ATP8A1: variants seen among roughly 807,000 people sequenced by gnomAD.
The protein encoded by ATP8A1 is phospholipid-transporting ATPase IA.
ATP8A1 carries 90 observed loss-of-function variants against 177.7 expected under a neutral mutation model. That is an observed-to-expected ratio of 0.51 (90% confidence interval 0.43 to 0.60). ATP8A1 has a LOEUF of 0.60. ATP8A1 is among the 20% of genes least tolerant of loss of function. The pLI, the probability that ATP8A1 is intolerant of heterozygous loss-of-function variation, is 0.00. For synonymous variants in ATP8A1, 493 were observed against 485.9 expected, an observed-to-expected ratio of 1.01 and a Z score of -0.19; for missense variants, 1,072 against 1,392.8, an observed-to-expected ratio of 0.77 and a Z score of 3.67.
At chr4:42,653,046 G>C (rs1375340189) in intron 1 of ATP8A1, among the ~76,000 whole-genome samples, 2 of 150,128 alleles carry the variant, frequency 1.3e-5, no homozygotes, top group African/African-American at 4.9e-5. Flanking sequence ...AGCAGCCTAA[G>C]AGCGGACTAA....
At chr4:42,456,035 A>C (rs1475945429) in intron 27 of ATP8A1, among the ~76,000 whole-genome samples, 2 of 152,198 alleles carry the variant, frequency 1.3e-5, no homozygotes, top group African/African-American at 2.4e-5. Flanking sequence ...GCAATAGTAC[A>C]ATCACCATTT....
chr4:42,528,346 T>A (rs1388792806), intron 20 of ATP8A1, among the ~76,000 whole-genome samples: 1 of 152,012 alleles, frequency 6.6e-6, no homozygotes, highest in Non-Finnish European at 1.5e-5. Flanking sequence ...CAATATCACA[T>A]CCCTGGAGGG....
intron 22 of ATP8A1, among the ~76,000 whole-genome samples, chr4:42,516,566 TTAG>T (rs1725556867): frequency 6.6e-6 from 1 of 152,260 alleles, no homozygotes; most frequent in Admixed American, 6.5e-5. Flanking sequence ...ACAGAAATTA[TTAG>T]TAGGTAATCT....
chr4:42,591,449 CAGCTTTGCATTATGCCTTAGGA>C (rs903017860), intron 6 of ATP8A1, among the ~76,000 whole-genome samples: 11 of 151,994 alleles, frequency 7.2e-5, no homozygotes, highest in Non-Finnish European at 1.5e-4. Flanking sequence ...GCAAAGAAGT[CAGCTTTGCATTATGCCTTAGGA>C]AGCTTTGCAG....
intron 17 of ATP8A1, among the ~76,000 whole-genome samples, chr4:42,551,905 C>G (rs1729539433): frequency 6.6e-6 from 1 of 152,126 alleles, no homozygotes; most frequent in Non-Finnish European, 1.5e-5. Context: ...GTTTAAAACA[C>G]TTCTAACAAA....
intron 8 of ATP8A1, among the ~76,000 whole-genome samples, chr4:42,587,830 G>A (rs888285544): frequency 6.6e-6 from 1 of 151,772 alleles, no homozygotes; most frequent in Non-Finnish European, 1.5e-5. Flanking sequence ...GGATGGTCTC[G>A]ATCTCCTGAC....
chr4:42,646,483 G>C (rs1462221798), intron 1 of ATP8A1, among the ~76,000 whole-genome samples: 1 of 152,224 alleles, frequency 6.6e-6, no homozygotes, highest in Non-Finnish European at 1.5e-5. Flanking sequence ...TACAACGTTA[G>C]CTTTACTTCA....
At chr4:42,564,394 G>C (rs1731152682) in intron 15 of ATP8A1, among the ~76,000 whole-genome samples, 1 of 152,172 alleles carries the variant, frequency 6.6e-6, no homozygotes, top group Non-Finnish European at 1.5e-5. Flanking sequence ...GCCTGTGAAA[G>C]CAGCCAGGAG....
In ATP8A1 at chr4:42,451,912, A is replaced by G. The variant is rs913993342; in HGVS notation, c.2896+69T>C. The G allele has an allele frequency of 2.2e-5, 26 of 1,163,056 alleles. No individual in the cohort carries two copies. The African/African-American group carries it at 3.5e-4, about 16-fold the overall frequency. The allele number at this position is 1,163,056 out of a possible 1,614,324, so 72.0% of individuals were successfully genotyped here. On this transcript the variant is annotated intron_variant, in intron 30 of 36. Coordinates refer to ENST00000381668, the MANE Select transcript of ATP8A1 (RefSeq NM_006095.2). Reference sequence around the variant, plus strand: ...GAAACTGCTATACTTTTAAACATACATTGACAATGAGTTATTTTTCTAAAA... The same window carrying G: ...GAAACTGCTATACTTTTAAACATACGTTGACAATGAGTTATTTTTCTAAAA...
chr4:42,614,477 C>T (rs1736703175), intron 5 of ATP8A1, among the ~76,000 whole-genome samples: 3 of 152,202 alleles, frequency 2.0e-5, no homozygotes, highest in African/African-American at 4.8e-5. Context: ...GATTTTTTCC[C>T]TTTCAATTCC....
chr4:42,615,822 A>G (rs1736848916), intron 5 of ATP8A1, among the ~76,000 whole-genome samples: 1 of 152,244 alleles, frequency 6.6e-6, no homozygotes, highest in Non-Finnish European at 1.5e-5. Flanking sequence ...TATATTTAAA[A>G]TGTTGGCTTT....
At chr4:42,423,508 C>A in intron 34 of ATP8A1, 109 bp downstream of exon 34, 1 of 593,752 alleles carries the variant, frequency 1.7e-6, no homozygotes, top group Non-Finnish European at 2.7e-6. Context: ...GTAATATTAC[C>A]AGTCCCTATC....
intron 1 of ATP8A1, among the ~76,000 whole-genome samples, chr4:42,641,584 A>G (rs970152754): frequency 3.3e-5 from 5 of 152,070 alleles, no homozygotes; most frequent in Admixed American, 6.5e-5. Flanking sequence ...CATTTTGTAC[A>G]TGGAAAAGAG....
At chr4:42,629,881 G>T (rs1303184633) in intron 1 of ATP8A1, among the ~76,000 whole-genome samples, 1 of 152,192 alleles carries the variant, frequency 6.6e-6, no homozygotes, top group Non-Finnish European at 1.5e-5. Context: ...CTTAGGTCTG[G>T]ACTTAACGTA....
rs200520162 is a variant in ATP8A1, at chr4:42,555,085, G to GTATCTATCTATC, written c.1413+871_1413+882dup. Among the ~76,000 whole-genome samples the GTATCTATCTATC allele has an allele frequency of 6.8e-4, 81 of 119,568 alleles. 4 individuals carry two copies. Among genetic ancestry groups the GTATCTATCTATC allele is most frequent in the East Asian group, 1.5e-3 (6 of 3,934 alleles). The allele number at this position is 119,568 out of a possible 152,430, so 78.4% of individuals were successfully genotyped here. A position where few individuals can be genotyped will look rare whatever the true frequency, so the allele number is the denominator to read the frequency against. On this transcript the variant is annotated intron_variant, in intron 16 of 36. Coordinates refer to ENST00000381668, the MANE Select transcript of ATP8A1 (RefSeq NM_006095.2). ...ACTTAATAAACTCCCCTTTGTGTGT[G>GTATCTATCTATC]TATCTATCTATCTATCTATCTATCT...
At chr4:42,538,929 G>C (rs1415047924) in intron 20 of ATP8A1, among the ~76,000 whole-genome samples, 1 of 152,104 alleles carries the variant, frequency 6.6e-6, no homozygotes, top group African/African-American at 2.4e-5. Flanking sequence ...AGGAAAATAA[G>C]TCATTATACA....
chr4:42,514,873 G>A (rs959430067), intron 22 of ATP8A1, among the ~76,000 whole-genome samples: 15 of 152,246 alleles, frequency 9.9e-5, no homozygotes, highest in African/African-American at 3.1e-4. Context: ...TAATAAGGAT[G>A]TTCTGCAGAT....
intron 30 of ATP8A1, among the ~76,000 whole-genome samples, chr4:42,450,103 A>G (rs1442212310): frequency 2.0e-5 from 3 of 152,202 alleles, no homozygotes; most frequent in African/African-American, 7.2e-5. Flanking sequence ...CAAAAAGTGG[A>G]AACAATCTGA....
chr4:42,541,685 C>T (rs1728403251), intron 20 of ATP8A1, among the ~76,000 whole-genome samples: 1 of 151,990 alleles, frequency 6.6e-6, no homozygotes. Flanking sequence ...TTATTCAGTG[C>T]TAAAAAGAAA....
Sources: gnomAD v4.1 joint callset for allele counts (sites outside exome capture counted in the v4.1 genomes callset) on GRCh38, gnomAD v4.1.1 for gene constraint, MANE v1.5 for transcripts, NCBI Gene and HGNC (gene_info 2026-07-23, HGNC 2026-07-21) for gene names.